PTPRA: variants seen among roughly 807,000 people sequenced by gnomAD.
PTPRA encodes the protein receptor-type tyrosine-protein phosphatase alpha.
Under a neutral mutation model 104.8 loss-of-function variants are expected in PTPRA, and 25 were observed. The observed-to-expected ratio is 0.24, with a 90% CI of 0.17 to 0.33. PTPRA has a LOEUF of 0.33. PTPRA is among the 10% of genes least tolerant of loss of function. The pLI, the probability that PTPRA is intolerant of heterozygous loss-of-function variation, is 1.00. For synonymous variants in PTPRA, 323 were observed against 368.9 expected (o/e 0.88, Z 1.43); for missense variants, 765 against 1,015.3 (o/e 0.75, Z 3.35).
intron 1 of PTPRA, among the ~76,000 whole-genome samples, chr20:2,918,037 G>A (rs1037587538): frequency 2.8e-5 from 4 of 143,946 alleles, no homozygotes; most frequent in African/African-American, 1.0e-4. Context: ...TCAGTGAGCC[G>A]AGATTGCACC....
chr20:3,033,200 C>T (rs73585966), intron 20 of PTPRA, among the ~76,000 whole-genome samples: 3,450 of 152,008 alleles, frequency 0.023, 152 homozygotes, highest in African/African-American at 0.077. Context: ...AGTCACCTGT[C>T]CCCCTTCCCA....
Position 2,897,140 on chromosome 20 carries a change from T to C in PTPRA, c.-129+23380T>C, listed in dbSNP as rs909979069. 7.2e-5 allele frequency among the ~76,000 whole-genome samples: 11 copies of C among 152,380 alleles called. No individual in the cohort carries two copies. In the South Asian group the frequency reaches 2.3e-3, roughly 32 times the overall value. ...GTTTAATTTTACCACTTGGTTAAGA[T>C]GTTGGCTGGCAAGTTTTTGTAAAAT... is the stretch of plus-strand genomic sequence containing the variant. On this transcript the variant is annotated intron_variant, in intron 1 of 23. Transcript: ENST00000399903.
At chr20:2,898,715 G>A (rs551499352) in intron 1 of PTPRA, among the ~76,000 whole-genome samples, 5 of 151,768 alleles carry the variant, frequency 3.3e-5, no homozygotes, top group South Asian at 2.1e-4. Flanking sequence ...AAAATTAGCC[G>A]GGCATAGTGG....
chr20:3,022,143 G>T lies in PTPRA; in HGVS notation c.1251G>T (p.Pro417=). The T allele has an allele frequency of 1.9e-6, 3 of 1,614,196 alleles. No individual in the cohort carries two copies. The highest frequency in any genetic ancestry group is 4.5e-5 in the East Asian group (2 of 44,890). The stretch of plus-strand genomic sequence containing the variant: ...CAGACTTTGGGGTGCCTTTTACCCC[G>T]ATCGGCATGCTCAAGTTCCTCAAGA... ...SWPDFGVPFT[P]IGMLKFLKKV... The change falls in exon 15 of 24, where the codon CCG becomes CCT. Residue 417 remains proline (P), a synonymous_variant. Coordinates refer to ENST00000399903, the MANE Select transcript of PTPRA (RefSeq NM_001385305.1). The surrounding 1 kb of genome is among the most constrained non-coding windows in gnomAD (Gnocchi z 4.6).
At chr20:2,959,442 C>T (rs926106662) in intron 3 of PTPRA, among the ~76,000 whole-genome samples, 1 of 152,044 alleles carries the variant, frequency 6.6e-6, no homozygotes, top group Non-Finnish European at 1.5e-5. Flanking sequence ...TCGTTTTTCT[C>T]GTCTGTAAAT....
At chr20:3,008,746 A>AC (rs1491523226) in intron 11 of PTPRA, among the ~76,000 whole-genome samples, 24 of 65,432 alleles carry the variant, frequency 3.7e-4, no homozygotes, top group Middle Eastern at 8.6e-3. Flanking sequence ...AAAAAAAAAC[A>AC]AAAAAAAAAA....
chr20:2,964,076 A>T (rs1600182196), intron 3 of PTPRA, among the ~76,000 whole-genome samples, 196 bp from the exon 4 acceptor site: 1 of 152,198 alleles, frequency 6.6e-6, no homozygotes, highest in South Asian at 2.1e-4. Flanking sequence ...TCCTCAAGAT[A>T]AGGGATAGTC....
upstream of PTPRA, among the ~76,000 whole-genome samples, chr20:2,871,981 C>T (rs552811975): frequency 6.6e-5 from 10 of 152,346 alleles, no homozygotes; most frequent in East Asian, 1.5e-3. Flanking sequence ...GCCCGCCCCA[C>T]CCATATTCCC....
At chr20:2,992,841 C>T (rs969472149) in intron 9 of PTPRA, among the ~76,000 whole-genome samples, 1 of 152,168 alleles carries the variant, frequency 6.6e-6, no homozygotes, top group African/African-American at 2.4e-5. Flanking sequence ...GCCTTTAATC[C>T]TCGCACTTTG....
At chr20:2,942,618 G>A (rs1446509778) in intron 2 of PTPRA, among the ~76,000 whole-genome samples, 2 of 151,858 alleles carry the variant, frequency 1.3e-5, no homozygotes, top group Admixed American at 1.3e-4. Context: ...AAGCAAGAGG[G>A]AATTCTCTGG....
intron 14 of PTPRA, 118 bp from the exon 15 acceptor site, chr20:3,021,936 C>A: frequency 7.6e-7 from 1 of 1,317,870 alleles, no homozygotes. Flanking sequence ...TTAACTAACT[C>A]CCCTGGGTAC....
intron 6 of PTPRA, among the ~76,000 whole-genome samples, chr20:2,976,882 T>A (rs1475439160): frequency 3.9e-5 from 6 of 152,230 alleles, no homozygotes. Flanking sequence ...CAGTAGTGTC[T>A]GATGTTTTAA....
intron 9 of PTPRA, among the ~76,000 whole-genome samples, chr20:2,988,930 G>T (rs1401189717): frequency 6.6e-6 from 1 of 152,224 alleles, no homozygotes; most frequent in African/African-American, 2.4e-5. Context: ...CATATTAAGA[G>T]GTTGCCTTTT....
At chr20:2,916,322 C>T (rs958730393) in intron 1 of PTPRA, among the ~76,000 whole-genome samples, 2 of 152,246 alleles carry the variant, frequency 1.3e-5, no homozygotes, top group Non-Finnish European at 1.5e-5. Flanking sequence ...GGATTACAGG[C>T]GTGAGCCACC....
intron 9 of PTPRA, among the ~76,000 whole-genome samples, chr20:2,997,628 A>C (rs1446798040): frequency 6.6e-6 from 1 of 152,236 alleles, no homozygotes. Context: ...ATTTCCGTGA[A>C]TGCCCACCTG....
intron 11 of PTPRA, among the ~76,000 whole-genome samples, chr20:3,010,753 C>G (rs2064132458): frequency 6.6e-6 from 1 of 152,214 alleles, no homozygotes; most frequent in Non-Finnish European, 1.5e-5. Context: ...TCCCCACCAC[C>G]CTGTCCTCAG....
intron 9 of PTPRA, among the ~76,000 whole-genome samples, chr20:3,001,587 A>T (rs1200888451): frequency 5.5e-5 from 7 of 128,424 alleles, no homozygotes; most frequent in Non-Finnish European, 1.0e-4. Flanking sequence ...TTGGGTGGAA[A>T]CCTGTGGAAA....
At chr20:2,877,591 C>T (rs1041003788) in intron 1 of PTPRA, among the ~76,000 whole-genome samples, 7 of 152,028 alleles carry the variant, frequency 4.6e-5, no homozygotes, top group Admixed American at 1.3e-4. Context: ...CTGAGTACAA[C>T]AAAAATAGCA....
intron 1 of PTPRA, 128 bp from the exon 2 acceptor site, chr20:2,923,079 C>T (rs956360231): frequency 6.4e-6 from 2 of 313,984 alleles, no homozygotes; most frequent in Non-Finnish European, 1.2e-5. Flanking sequence ...GCATGTGCCA[C>T]CCTGCCTGGC....
Sources: gnomAD v4.1 joint callset for allele counts (sites outside exome capture counted in the v4.1 genomes callset) on GRCh38, gnomAD v4.1.1 for gene constraint, Gnocchi (gnomAD v3.1) non-coding constraint, MANE v1.5 for transcripts, NCBI Gene and HGNC (gene_info 2026-07-23, HGNC 2026-07-21) for gene names.